SIPA1L3: variants seen among roughly 807,000 people sequenced by gnomAD.
SIPA1L3 encodes the protein signal induced proliferation associated 1 like 3.
A neutral mutation model predicts 150.1 loss-of-function variants in SIPA1L3; 59 were observed. That is an observed-to-expected ratio of 0.39 (90% CI 0.32 to 0.49). SIPA1L3 has a LOEUF of 0.49. Among genes scored for constraint, SIPA1L3 ranks in the 20% least tolerant of loss-of-function variants. The pLI is 0.86. For synonymous variants in SIPA1L3, 1,070 were observed against 1,077.6 expected (o/e 0.99, Z 0.14); for missense variants, 2,211 against 2,489.5 (o/e 0.89, Z 2.38).
intron 2 of SIPA1L3, among the ~76,000 whole-genome samples, chr19:38,041,059 G>A (rs910353160): frequency 2.0e-5 from 3 of 151,442 alleles, no homozygotes; most frequent in Non-Finnish European, 2.9e-5. Flanking sequence ...CACCGTGTCC[G>A]GCCCCTATCG....
intron 9 of SIPA1L3, among the ~76,000 whole-genome samples, chr19:38,128,147 T>C (rs1971222291): frequency 6.8e-6 from 1 of 147,648 alleles, no homozygotes; most frequent in African/African-American, 2.5e-5. Context: ...CTCTGCCTCC[T>C]GTGTTCAAGC....
intron 3 of SIPA1L3, among the ~76,000 whole-genome samples, chr19:38,088,430 C>G (rs1568543676): frequency 6.6e-6 from 1 of 152,242 alleles, no homozygotes; most frequent in Non-Finnish European, 1.5e-5. Flanking sequence ...TCATTTTTGC[C>G]TTCACATCCA....
chr19:38,069,704 T>G (rs1231314300), intron 2 of SIPA1L3, among the ~76,000 whole-genome samples: 1 of 151,658 alleles, frequency 6.6e-6, no homozygotes, highest in Non-Finnish European at 1.5e-5. Context: ...TTGCTCTGTC[T>G]CCCAGGCTGG....
rs561666056 is a variant in SIPA1L3, at chr19:38,095,360, T to A, written c.1666-4602T>A. Among the ~76,000 whole-genome samples the A allele has an allele frequency of 2.5e-4, 38 of 152,278 alleles. 1 individual carries two copies. The South Asian group carries it at 6.2e-3, about 25-fold the overall frequency. On this transcript the variant is annotated intron_variant, in intron 4 of 21. Transcript: ENST00000222345. ...AGCTAGGGAGGAGCTAGAGCTAGAA[T>A]TCAAACCCAGGCAGACCACCTCCTA...
At chr19:37,956,051 G>A (rs1475235300) in intron 1 of SIPA1L3, among the ~76,000 whole-genome samples, 2 of 152,202 alleles carry the variant, frequency 1.3e-5, no homozygotes, top group African/African-American at 4.8e-5. Context: ...ATTCACAGGC[G>A]TGATCATGGC....
chr19:38,123,000 G>A (rs1971057631), intron 9 of SIPA1L3, among the ~76,000 whole-genome samples: 1 of 152,192 alleles, frequency 6.6e-6, no homozygotes, highest in Non-Finnish European at 1.5e-5. Flanking sequence ...CAGCACCTGG[G>A]CCAGCATCTG....
chr19:38,146,130 C>T (rs1202225625), intron 12 of SIPA1L3, among the ~76,000 whole-genome samples: 1 of 152,210 alleles, frequency 6.6e-6, no homozygotes, highest in Non-Finnish European at 1.5e-5. Flanking sequence ...TCCCAAAGTG[C>T]TAGGATTACA....
At chr19:38,138,893 AT>A (rs1181010559) in intron 10 of SIPA1L3, among the ~76,000 whole-genome samples, 1 of 142,350 alleles carries the variant, frequency 7.0e-6, no homozygotes, top group Non-Finnish European at 1.5e-5. Flanking sequence ...ACGAGACTCT[AT>A]CTCAAAAAAA....
intron 1 of SIPA1L3, among the ~76,000 whole-genome samples, chr19:37,936,965 T>A (rs575685380): frequency 6.6e-6 from 1 of 152,350 alleles, no homozygotes; most frequent in African/African-American, 2.4e-5. Context: ...CATTAATTTT[T>A]AAAATCTTTT....
chr19:38,113,933 G>C (rs1970825819), intron 8 of SIPA1L3, among the ~76,000 whole-genome samples: 1 of 152,154 alleles, frequency 6.6e-6, no homozygotes, highest in South Asian at 2.1e-4. Flanking sequence ...ATTTCCGAAT[G>C]GCCACCCGCA....
intron 1 of SIPA1L3, among the ~76,000 whole-genome samples, chr19:38,015,183 A>G (rs1968204690): frequency 6.6e-6 from 1 of 152,148 alleles, no homozygotes; most frequent in Non-Finnish European, 1.5e-5. Context: ...CACAGCCTGC[A>G]TTTCCTGGCT....
chr19:38,168,471 T>C (rs901565043), intron 15 of SIPA1L3, among the ~76,000 whole-genome samples: 5 of 149,156 alleles, frequency 3.4e-5, no homozygotes, highest in African/African-American at 1.2e-4. Flanking sequence ...CTCAAAAAAA[T>C]AAAAAATAAA....
At chr19:38,186,480 TTTTTGTTTTG>T (rs148671328) in intron 16 of SIPA1L3, among the ~76,000 whole-genome samples, 31 of 148,006 alleles carry the variant, frequency 2.1e-4, no homozygotes, top group African/African-American at 3.7e-4. Context: ...GTCTGGCTAA[TTTTTGTTTTG>T]TTTTGTTTTG....
chr19:37,959,340 A>G (rs745386611), intron 1 of SIPA1L3, among the ~76,000 whole-genome samples: 6 of 152,246 alleles, frequency 3.9e-5, no homozygotes, highest in Non-Finnish European at 7.3e-5. Context: ...TTACTCTGTC[A>G]TAGAAAGGAA....
intron 2 of SIPA1L3, among the ~76,000 whole-genome samples, chr19:38,030,426 G>T (rs189288384): frequency 1.1e-3 from 170 of 152,074 alleles, no homozygotes; most frequent in Middle Eastern, 0.01. Context: ...GCTGGGCGTG[G>T]TGATGCACAC....
At chr19:38,128,894 TAAAAAA>T (rs397941645) in intron 9 of SIPA1L3, among the ~76,000 whole-genome samples, 15 of 146,070 alleles carry the variant, frequency 1.0e-4, no homozygotes, top group African/African-American at 3.5e-4. Context: ...GACTCCGTCT[TAAAAAA>T]AAAAAAATTT....
intron 15 of SIPA1L3, among the ~76,000 whole-genome samples, chr19:38,170,635 C>T (rs1972307852): frequency 6.6e-6 from 1 of 152,202 alleles, no homozygotes; most frequent in Non-Finnish European, 1.5e-5. Context: ...ACCAGATCCC[C>T]ACCGTCCTGG....
chr19:37,933,394 C>T (rs1259377820), intron 1 of SIPA1L3, among the ~76,000 whole-genome samples: 2 of 152,124 alleles, frequency 1.3e-5, no homozygotes, highest in African/African-American at 4.8e-5. Flanking sequence ...TCTCCCTCAC[C>T]CTCGCCCTTA....
At chr19:38,133,926 T>G (rs377496530) in intron 10 of SIPA1L3, among the ~76,000 whole-genome samples, 5 of 152,064 alleles carry the variant, frequency 3.3e-5, no homozygotes, top group Non-Finnish European at 7.4e-5. Context: ...AGAAGATCAC[T>G]TGAGCCCAGC....
Sources: gnomAD v4.1 joint callset for allele counts (sites outside exome capture counted in the v4.1 genomes callset) on GRCh38, gnomAD v4.1.1 for gene constraint, MANE v1.5 for transcripts, NCBI Gene and HGNC (gene_info 2026-07-23, HGNC 2026-07-21) for gene names.